The following TTLL11 variants were observed in gnomAD, a reference collection of about 807,000 sequenced individuals.
TTLL11 encodes the protein tubulin polyglutamylase TTLL11.
In TTLL11, 42 loss-of-function variants were observed where a neutral mutation model predicts 51.7. That is an observed-to-expected ratio of 0.81 (90% CI 0.64 to 1.05). The LOEUF (loss-of-function observed/expected upper bound fraction) is 1.05, where lower values mean the gene tolerates loss of function less well. Ranked by LOEUF, TTLL11 falls within the 50% of genes least tolerant of loss-of-function variation. The pLI is 0.00. For synonymous variants in TTLL11, 381 were observed against 383.5 expected (o/e 0.99, Z 0.08); for missense variants, 799 against 940.4 (o/e 0.85, Z 1.97).
chr9:121,931,146 C>A (rs2131552469), intron 6 of TTLL11, among the ~76,000 whole-genome samples: 1 of 152,372 alleles, frequency 6.6e-6, no homozygotes, highest in Non-Finnish European at 1.5e-5. Flanking sequence ...CTCCACCTGG[C>A]TCAGCCATTC....
At chr9:122,058,437 C>T (rs564729295) in intron 1 of TTLL11, among the ~76,000 whole-genome samples, 1 of 152,262 alleles carries the variant, frequency 6.6e-6, no homozygotes, top group Admixed American at 6.5e-5. Flanking sequence ...TTCATTTCTC[C>T]AGGCAAGGAT....
intron 3 of TTLL11, among the ~76,000 whole-genome samples, chr9:122,019,814 A>G (rs898411573): frequency 2.6e-5 from 4 of 152,328 alleles, no homozygotes; most frequent in African/African-American, 9.6e-5. Context: ...GGAGGGACCC[A>G]GTGGGAGATA....
Position 121,932,790 on chromosome 9 carries a change from GAA to G in TTLL11, c.1481+41217_1481+41218del, listed in dbSNP as rs556912217. Among the ~76,000 whole-genome samples, 21 of 152,224 alleles carry G rather than the reference GAA, an allele frequency of 1.4e-4. No individual in the cohort carries two copies. In the East Asian group the frequency reaches 3.1e-3, roughly 22 times the overall value. On this transcript the variant is annotated intron_variant, in intron 6 of 8. Transcript: ENST00000321582. Reference sequence around the variant, plus strand: ...ATACTTCAAGAGGATGGAGCTCCGAGAAAAGATGATGTACCATTAAAATGGCA... The same window carrying G: ...ATACTTCAAGAGGATGGAGCTCCGAGAAGATGATGTACCATTAAAATGGCA...
At chr9:121,947,657 A>T (rs184829002) in intron 6 of TTLL11, among the ~76,000 whole-genome samples, 6 of 152,266 alleles carry the variant, frequency 3.9e-5, no homozygotes, top group Admixed American at 3.3e-4. Flanking sequence ...CATAATAGAA[A>T]ATGTTCTCTG....
At chr9:121,881,011 C>T (rs942566488) in intron 6 of TTLL11, among the ~76,000 whole-genome samples, 1 of 152,182 alleles carries the variant, frequency 6.6e-6, no homozygotes, top group African/African-American at 2.4e-5. Context: ...TCTCACAGTC[C>T]CTGGGAAAAG....
intron 3 of TTLL11, among the ~76,000 whole-genome samples, chr9:122,009,289 A>G (rs1376842131): frequency 1.3e-5 from 2 of 152,230 alleles, no homozygotes; most frequent in Non-Finnish European, 2.9e-5. Flanking sequence ...AACATGTTGT[A>G]CATGATAAAT....
intron 1 of TTLL11, among the ~76,000 whole-genome samples, chr9:122,039,633 T>C (rs1268306314): frequency 6.6e-6 from 1 of 152,182 alleles, no homozygotes; most frequent in East Asian, 1.9e-4. Context: ...CATTTCACTT[T>C]AATCCTTATA....
intron 6 of TTLL11, among the ~76,000 whole-genome samples, chr9:121,962,598 A>C (rs1208825585): frequency 6.6e-6 from 1 of 152,222 alleles, no homozygotes; most frequent in Non-Finnish European, 1.5e-5. Context: ...CAGTGATTTC[A>C]TATGACTCAA....
At chr9:121,917,491 G>GAAAGA (rs1032842918) in intron 6 of TTLL11, among the ~76,000 whole-genome samples, 2 of 146,514 alleles carry the variant, frequency 1.4e-5, no homozygotes, top group Non-Finnish European at 3.0e-5. Context: ...AAAAGAAAAG[G>GAAAGA]AAAGAAAAGA....
rs538984768 is a variant in TTLL11 at position 122,084,879 on chromosome 9, TC to T, written c.462+7807del. ...CTTTCATGTAGAATAACATCTGTTT[TC>T]CCTGTGAAACCCAAAGTCAAGATAC... On this transcript the variant is annotated intron_variant, in intron 1 of 8. Transcript: ENST00000321582. Among the ~76,000 whole-genome samples, 440 of 152,322 alleles carry T rather than the reference TC, an allele frequency of 2.9e-3. 1 individual carries two copies. The highest frequency in any genetic ancestry group is 6.6e-3 in the Admixed American group (101 of 15,286).
chr9:122,054,322 C>T (rs1845238308), intron 1 of TTLL11, among the ~76,000 whole-genome samples: 1 of 152,046 alleles, frequency 6.6e-6, no homozygotes, highest in African/African-American at 2.4e-5. Flanking sequence ...GGAAGATAAC[C>T]TTGCCCCTTT....
intron 6 of TTLL11, among the ~76,000 whole-genome samples, chr9:121,878,815 T>C (rs1384870950): frequency 6.6e-6 from 1 of 152,192 alleles, no homozygotes; most frequent in Non-Finnish European, 1.5e-5. Flanking sequence ...TCTTGCCCAC[T>C]GGGCCTGCAG....
intron 8 of TTLL11, among the ~76,000 whole-genome samples, chr9:121,840,632 G>A (rs141993223): frequency 2.7e-4 from 41 of 152,300 alleles, no homozygotes; most frequent in Admixed American, 1.1e-3. Flanking sequence ...CTGACCTTAA[G>A]TGATCTGCCT....
At chr9:122,089,281 T>G (rs932001115) in intron 1 of TTLL11, among the ~76,000 whole-genome samples, 4 of 152,144 alleles carry the variant, frequency 2.6e-5, no homozygotes, top group African/African-American at 4.8e-5. Flanking sequence ...CAGCATGGGC[T>G]GCAAGAGATA....
At chr9:122,032,808 T>TTTC (rs1844591895) in intron 2 of TTLL11, among the ~76,000 whole-genome samples, 1 of 151,500 alleles carries the variant, frequency 6.6e-6, no homozygotes, top group African/African-American at 2.4e-5. Context: ...TTTTTTTTTT[T>TTTC]TTTTGAAACA....
At chr9:122,019,172 C>A (rs974383158) in intron 3 of TTLL11, among the ~76,000 whole-genome samples, 7 of 152,188 alleles carry the variant, frequency 4.6e-5, no homozygotes, top group Non-Finnish European at 1.5e-5. Context: ...GCCTAAGATT[C>A]CTGCCTGAGT....
At chr9:121,826,570 T>TATATATATATATAC (rs1836811517) in intron 8 of TTLL11, among the ~76,000 whole-genome samples, 2 of 112,488 alleles carry the variant, frequency 1.8e-5, no homozygotes, top group Non-Finnish European at 3.5e-5. Flanking sequence ...TATATATATA[T>TATATATATATATAC]ATATATATAT....
intron 8 of TTLL11, among the ~76,000 whole-genome samples, chr9:121,839,426 C>A (rs1837287137): frequency 6.6e-6 from 1 of 152,154 alleles, no homozygotes; most frequent in Admixed American, 6.5e-5. Context: ...GCGGGGTGAT[C>A]TTCGCTTACT....
chr9:121,944,266 G>C (rs1841588926), intron 6 of TTLL11, among the ~76,000 whole-genome samples: 1 of 152,174 alleles, frequency 6.6e-6, no homozygotes, highest in African/African-American at 2.4e-5. Context: ...TCAGCACTTT[G>C]GGAGGCCAAG....
Sources: gnomAD v4.1 joint callset for allele counts (sites outside exome capture counted in the v4.1 genomes callset) on GRCh38, gnomAD v4.1.1 for gene constraint, MANE v1.5 for transcripts, NCBI Gene and HGNC (gene_info 2026-07-23, HGNC 2026-07-21) for gene names.